KIF18A: variants seen among roughly 807,000 people sequenced by gnomAD.
KIF18A encodes the protein kinesin-like protein KIF18A.
In KIF18A, 67 loss-of-function variants were observed where a neutral mutation model predicts 103.3. The ratio of observed to expected loss-of-function variants is 0.65; its 90% CI spans 0.53 to 0.79. The LOEUF is 0.79. Among genes scored for constraint, KIF18A ranks in the 30% least tolerant of loss-of-function variants. The probability of loss-of-function intolerance (pLI) is 0.00; values close to 1 mark genes in which losing one functional copy is unlikely to be tolerated. For synonymous variants in KIF18A, 367 were observed against 355.5 expected (o/e 1.03, Z -0.36); for missense variants, 1,032 against 1,062.5 (o/e 0.97, Z 0.40).
At position 28,085,699 on chromosome 11, in the gene KIF18A, G is replaced by A. The variant is rs186534423; in HGVS notation, c.898-891C>T. Among the ~76,000 whole-genome samples, 9 of 152,166 alleles carry A rather than the reference G, an allele frequency of 5.9e-5. No homozygotes were observed. In the East Asian group the frequency reaches 1.7e-3, roughly 30 times the overall value. ...AATATCAGCGCGCCCAGCTGTTCGG[G>A]GCCACTACCGGTCTCCGTGTCTTGA... On this transcript the variant is annotated intron_variant, in intron 6 of 16. Transcript: ENST00000263181.
chr11:28,028,659 G>C lies in KIF18A; in HGVS notation c.2505-4809C>G, dbSNP rs547938618. ...CAAACACATTAAAAAGCCAGCAGAA[G>C]GCAAGAAATAACTAAGATCAGAGCA... is the stretch of plus-strand genomic sequence containing the variant. On this transcript the variant is annotated intron_variant, in intron 15 of 16. Coordinates refer to ENST00000263181, the MANE Select transcript of KIF18A (RefSeq NM_031217.4). Among the ~76,000 whole-genome samples the C allele has an allele frequency of 3.3e-5, 5 of 152,128 alleles. No homozygotes were observed. In the South Asian group the frequency reaches 6.2e-4, roughly 19 times the overall value.
At chr11:28,032,595 C>G (rs1286429490) in intron 15 of KIF18A, among the ~76,000 whole-genome samples, 2 of 151,898 alleles carry the variant, frequency 1.3e-5, no homozygotes, top group East Asian at 3.9e-4. Flanking sequence ...TTTGACAAAG[C>G]TGCCAAGAAC....
At chr11:28,049,433 G>C (rs11030197) in intron 13 of KIF18A, among the ~76,000 whole-genome samples, 80,060 of 151,782 alleles carry the variant, frequency 0.53, 22,426 homozygotes, top group East Asian at 0.72. Flanking sequence ...CCCAGAGGAA[G>C]TAATTTATCA....
chr11:28,101,944 C>G (rs188380653), intron 1 of KIF18A, among the ~76,000 whole-genome samples: 1 of 152,066 alleles, frequency 6.6e-6, no homozygotes, highest in East Asian at 1.9e-4. Flanking sequence ...TCATTAGATG[C>G]GTTTTATTTG....
intron 9 of KIF18A, among the ~76,000 whole-genome samples, chr11:28,080,196 C>T (rs561729130): frequency 1.3e-5 from 2 of 152,128 alleles, no homozygotes; most frequent in Admixed American, 6.6e-5. Context: ...TATCTTATAC[C>T]TAAGTTCTGG....
In KIF18A at chr11:28,084,632, AG is replaced by A. The variant is rs1851204146; in HGVS notation, c.1073del (p.Ser358PhefsTer2). 2 of 1,601,782 alleles carry A rather than the reference AG, an allele frequency of 1.2e-6. No individual in the cohort carries two copies. The highest frequency in any genetic ancestry group is 2.2e-5 in the South Asian group (2 of 89,898). ...YANRAKDIKS[S>X]LKSNVLNVNN... ...ACAAAGGCAGAGTAAACAGACTTAC[AG>A]AAGATTTAATGTCCTTTGCCCGGTT... On this transcript the variant is annotated frameshift_variant and splice_region_variant, in exon 7 of 17. Transcript: ENST00000263181. LOFTEE classifies it high-confidence loss of function.
chr11:28,026,867 A>G (rs1850328879), intron 15 of KIF18A, among the ~76,000 whole-genome samples: 1 of 151,800 alleles, frequency 6.6e-6, no homozygotes, highest in Non-Finnish European at 1.5e-5. Flanking sequence ...AGCTAGGCTC[A>G]CTCATAAAGT....
At chr11:28,081,940 G>A (rs779446720) in intron 9 of KIF18A, among the ~76,000 whole-genome samples, 7 of 152,076 alleles carry the variant, frequency 4.6e-5, no homozygotes, top group Non-Finnish European at 8.8e-5. Flanking sequence ...AATCCTCATG[G>A]ATAACTATGA....
intron 1 of KIF18A, among the ~76,000 whole-genome samples, chr11:28,101,624 A>C (rs1457785663): frequency 6.6e-6 from 1 of 152,184 alleles, no homozygotes; most frequent in Non-Finnish European, 1.5e-5. Context: ...AAGATTACAC[A>C]CTTAGAACAA....
chr11:28,079,795 C>T (rs1375408270), intron 9 of KIF18A, among the ~76,000 whole-genome samples: 1 of 151,956 alleles, frequency 6.6e-6, no homozygotes, highest in Non-Finnish European at 1.5e-5. Context: ...ACAGGAATTC[C>T]TTATTGTCCT....
intron 11 of KIF18A, among the ~76,000 whole-genome samples, chr11:28,065,166 T>C (rs1053556525): frequency 2.6e-5 from 4 of 151,844 alleles, no homozygotes; most frequent in African/African-American, 2.4e-5. Context: ...TGCAGGAGAG[T>C]ACAGAGAAAA....
chr11:28,071,488 TTA>T (rs987284158), intron 10 of KIF18A, among the ~76,000 whole-genome samples: 13 of 149,024 alleles, frequency 8.7e-5, no homozygotes, highest in African/African-American at 2.9e-4. Context: ...TTGCTATTTA[TTA>T]TATTTTATTA....
At chr11:28,081,196 A>G (rs2133551104) in intron 9 of KIF18A, among the ~76,000 whole-genome samples, 1 of 152,334 alleles carries the variant, frequency 6.6e-6, no homozygotes, top group Non-Finnish European at 1.5e-5. Flanking sequence ...AGCTGCAGCA[A>G]GTTATCGAGA....
chr11:28,023,694 G>T (rs1300227480), intron 16 of KIF18A, 47 bp downstream of exon 16: 1 of 1,057,094 alleles, frequency 9.5e-7, no homozygotes, highest in Non-Finnish European at 1.5e-6. Context: ...CTATATGTGT[G>T]TTACAGAGTC....
Position 28,062,481 on chromosome 11 carries a change from G to T in KIF18A, c.1626C>A (p.His542Gln), listed in dbSNP as rs750835883. The T allele has an allele frequency of 6.2e-7, 1 of 1,611,464 alleles. No homozygotes were observed. Among genetic ancestry groups the T allele is most frequent in the East Asian group, 2.2e-5 (1 of 44,734 alleles). Residue 542 changes from histidine (H) to glutamine (Q), a missense_variant, in exon 12 of 17, where the codon CAC (histidine) becomes CAA (glutamine). Coordinates refer to ENST00000263181, the MANE Select transcript of KIF18A (RefSeq NM_031217.4). ...GTGCTTTCAAATCTTTGTTCTGGAG[G>T]TGCAAATGGTGACAATGAAGATCTT... The part of the protein sequence containing the change: ...LKKDLHCHHL[H>Q]LQNKDLKAQI...
chr11:28,032,548 C>A (rs1203084696), intron 15 of KIF18A, among the ~76,000 whole-genome samples: 1 of 151,756 alleles, frequency 6.6e-6, no homozygotes, highest in Non-Finnish European at 1.5e-5. Flanking sequence ...GAATAGAGAG[C>A]CCCAAAATAA....
At chr11:28,038,549 T>C (rs561687161) in intron 13 of KIF18A, among the ~76,000 whole-genome samples, 80 of 151,752 alleles carry the variant, frequency 5.3e-4, no homozygotes, top group African/African-American at 1.6e-3. Flanking sequence ...TTAAAGAACA[T>C]TGAAAGCAGA....
chr11:28,077,247 T>C (rs1851105773), intron 9 of KIF18A, 78 bp from the exon 10 acceptor site: 3 of 977,496 alleles, frequency 3.1e-6, no homozygotes, highest in Non-Finnish European at 4.5e-6. Context: ...GAGAAATGCA[T>C]AAACAAAGGA....
chr11:28,064,439 T>C (rs1850892005), intron 11 of KIF18A, among the ~76,000 whole-genome samples: 1 of 152,022 alleles, frequency 6.6e-6, no homozygotes, highest in Non-Finnish European at 1.5e-5. Flanking sequence ...GTTTGCCACA[T>C]ATTGCATCTT....
Sources: allele counts gnomAD v4.1 joint callset (sites outside exome capture counted in the v4.1 genomes callset), GRCh38; gene constraint gnomAD v4.1.1; transcripts MANE v1.5; gene names NCBI Gene and HGNC (gene_info 2026-07-23, HGNC 2026-07-21).